Variants in TAFA2 observed in about 807,000 individuals in gnomAD.
TAFA2 encodes the protein chemokine-like protein TAFA-2.
A neutral mutation model predicts 18.8 loss-of-function variants in TAFA2; 7 were observed. The ratio of observed to expected loss-of-function variants is 0.37; its 90% CI spans 0.21 to 0.70. TAFA2 has a LOEUF of 0.70. Ranked by LOEUF, TAFA2 falls within the 30% of genes least tolerant of loss-of-function variation. The pLI is 0.53. For missense variants in TAFA2, 122 were observed against 158.1 expected (o/e 0.77, Z 1.23); for synonymous variants, 60 against 54.2 (o/e 1.11, Z -0.47).
At chr12:62,186,287 A>G (rs2062585365) in intron 1 of TAFA2, among the ~76,000 whole-genome samples, 2 of 152,194 alleles carry the variant, frequency 1.3e-5, no homozygotes, top group African/African-American at 4.8e-5. Flanking sequence ...ACATGCATGC[A>G]ATTATGCAGT....
At chr12:61,836,499 TTG>T (rs1157120768) in intron 2 of TAFA2, among the ~76,000 whole-genome samples, 2 of 151,700 alleles carry the variant, frequency 1.3e-5, no homozygotes, top group South Asian at 4.1e-4. Flanking sequence ...TTCATATATT[TTG>T]TGTGTGTTTT....
chr12:62,155,668 A>G (rs1281601349), intron 1 of TAFA2, among the ~76,000 whole-genome samples: 1 of 152,194 alleles, frequency 6.6e-6, no homozygotes, highest in Non-Finnish European at 1.5e-5. Context: ...ATCTTCAACA[A>G]AGCAAACAAA....
intron 4 of TAFA2, among the ~76,000 whole-genome samples, chr12:61,742,084 T>C (rs1043504610): frequency 1.3e-4 from 20 of 152,096 alleles, no homozygotes; most frequent in Admixed American, 2.6e-4. Flanking sequence ...TAGTAGAGAT[T>C]GGGTTTCACC....
rs369993305 is a variant in TAFA2, at chr12:62,132,953, T to C, written c.-2+58306A>G. 4.6e-5 allele frequency among the ~76,000 whole-genome samples: 7 copies of C among 152,148 alleles called. No homozygotes were observed. The East Asian group carries it at 1.4e-3, about 29-fold the overall frequency. On this transcript the variant is annotated intron_variant, in intron 1 of 4. Coordinates refer to ENST00000416284, the MANE Select transcript of TAFA2 (RefSeq NM_178539.5). The stretch of plus-strand genomic sequence containing the variant: ...TATACAATTTTTCACCAATATTGTG[T>C]TGTCAGTACAACATTTTCAATACAA...
intron 1 of TAFA2, among the ~76,000 whole-genome samples, chr12:61,964,761 C>T (rs940493416): frequency 2.0e-5 from 3 of 151,932 alleles, no homozygotes; most frequent in Non-Finnish European, 2.9e-5. Flanking sequence ...GTTCCTTCCT[C>T]TACCACCTCT....
At chr12:61,971,719 G>A (rs1372736005) in intron 1 of TAFA2, among the ~76,000 whole-genome samples, 1 of 151,334 alleles carries the variant, frequency 6.6e-6, no homozygotes, top group African/African-American at 2.4e-5. Flanking sequence ...ACCATGGCAT[G>A]TTGTGGGGTA....
intron 1 of TAFA2, among the ~76,000 whole-genome samples, chr12:62,092,681 A>G (rs1344315713): frequency 2.6e-5 from 4 of 152,028 alleles, no homozygotes; most frequent in African/African-American, 9.7e-5. Flanking sequence ...TATATGTCCA[A>G]TATGTATTTT....
At position 61,973,911 on chromosome 12, in the gene TAFA2, T is replaced by C. The variant is rs937403485; in HGVS notation, c.-1-106485A>G. Among the ~76,000 whole-genome samples the C allele has an allele frequency of 2.6e-5, 4 of 151,826 alleles. No homozygotes were observed. The South Asian group carries it at 8.3e-4, about 31-fold the overall frequency. ...AGAACCAGTGCTTTAAGCCAGAGAATGGTTTGTAATACTTATTAAAACCAT... is the reference window on the plus strand; with the variant it reads ...AGAACCAGTGCTTTAAGCCAGAGAACGGTTTGTAATACTTATTAAAACCAT... On this transcript the variant is annotated intron_variant, in intron 1 of 4. Transcript: ENST00000416284.
intron 1 of TAFA2, among the ~76,000 whole-genome samples, chr12:62,156,841 C>T (rs1262058147): frequency 1.3e-5 from 2 of 152,072 alleles, no homozygotes; most frequent in African/African-American, 4.8e-5. Flanking sequence ...CAATAAGGAA[C>T]TTACTCATGT....
At chr12:61,726,152 TA>T (rs1327878688) in intron 4 of TAFA2, among the ~76,000 whole-genome samples, 3 of 151,862 alleles carry the variant, frequency 2.0e-5, no homozygotes, top group African/African-American at 7.2e-5. Flanking sequence ...TAATTTGATA[TA>T]TACCCATTGA....
chr12:62,118,760 T>C (rs1292814092), intron 1 of TAFA2, among the ~76,000 whole-genome samples: 1 of 152,124 alleles, frequency 6.6e-6, no homozygotes, highest in Non-Finnish European at 1.5e-5. Context: ...TGTTTGTTAG[T>C]CATATGAGTT....
chr12:61,793,366 G>T (rs1156451541), intron 2 of TAFA2, among the ~76,000 whole-genome samples: 1 of 150,774 alleles, frequency 6.6e-6, no homozygotes, highest in East Asian at 2.0e-4. Context: ...TACTCAAAGT[G>T]ATCAAGAACA....
chr12:61,849,763 A>G (rs1450203555), intron 2 of TAFA2, among the ~76,000 whole-genome samples: 3 of 152,342 alleles, frequency 2.0e-5, no homozygotes, highest in Non-Finnish European at 4.4e-5. Flanking sequence ...AGACGGTCTC[A>G]CCTTTCTTTT....
At chr12:61,731,291 C>G (rs548745202) in intron 4 of TAFA2, among the ~76,000 whole-genome samples, 2 of 152,216 alleles carry the variant, frequency 1.3e-5, no homozygotes, top group African/African-American at 4.8e-5. Flanking sequence ...TTACTGGCAA[C>G]AAGCTACATC....
At chr12:61,750,650 C>G (rs1375092081) in intron 4 of TAFA2, among the ~76,000 whole-genome samples, 2 of 152,132 alleles carry the variant, frequency 1.3e-5, no homozygotes, top group African/African-American at 4.8e-5. Flanking sequence ...TGCCACTCAT[C>G]TCTGCTGAGG....
chr12:62,064,590 G>A (rs1444780685), intron 1 of TAFA2, among the ~76,000 whole-genome samples: 1 of 151,990 alleles, frequency 6.6e-6, no homozygotes, highest in African/African-American at 2.4e-5. Context: ...CATACCACTT[G>A]GTGGATTCAA....
intron 1 of TAFA2, among the ~76,000 whole-genome samples, chr12:62,079,177 C>G (rs899484204): frequency 1.1e-4 from 17 of 152,146 alleles, no homozygotes; most frequent in Non-Finnish European, 2.2e-4. Context: ...AGGATGCTTT[C>G]CTCTAAACAA....
intron 4 of TAFA2, among the ~76,000 whole-genome samples, chr12:61,728,221 G>A (rs1463140637): frequency 6.6e-6 from 1 of 151,956 alleles, no homozygotes; most frequent in Non-Finnish European, 1.5e-5. Context: ...AGAATGTTCT[G>A]TAAATATCTG....
chr12:62,073,481 T>C (rs1392200942), intron 1 of TAFA2, among the ~76,000 whole-genome samples: 1 of 150,926 alleles, frequency 6.6e-6, no homozygotes, highest in Non-Finnish European at 1.5e-5. Context: ...TGTTATATTA[T>C]AGGTAGGTGT....
Sources: gnomAD v4.1 joint callset for allele counts (sites outside exome capture counted in the v4.1 genomes callset) on GRCh38, gnomAD v4.1.1 for gene constraint, MANE v1.5 for transcripts, NCBI Gene and HGNC (gene_info 2026-07-23, HGNC 2026-07-21) for gene names.